The following RGS7 variants were observed in gnomAD, a reference collection of about 807,000 sequenced individuals.
RGS7 encodes regulator of G-protein signaling 7.
In RGS7, 27 loss-of-function variants were observed where a neutral mutation model predicts 81.1. The ratio of observed to expected loss-of-function variants is 0.33; its 90% CI spans 0.25 to 0.46. The LOEUF (loss-of-function observed/expected upper bound fraction) is 0.46, where lower values mean the gene tolerates loss of function less well. Ranked by LOEUF, RGS7 falls within the 20% of genes least tolerant of loss-of-function variation. The pLI is 1.00. For synonymous variants in RGS7, 208 were observed against 207.7 expected, an observed-to-expected ratio of 1.00 and a Z score of -0.01; for missense variants, 396 against 607.4, an observed-to-expected ratio of 0.65 and a Z score of 3.66.
chr1:241,331,803 A>C (rs1447327402), intron 2 of RGS7, among the ~76,000 whole-genome samples: 1 of 152,172 alleles, frequency 6.6e-6, no homozygotes, highest in Non-Finnish European at 1.5e-5. Context: ...AGAGTTAGGG[A>C]GGCGTAAGGT....
At chr1:241,076,704 G>A (rs904613324) in intron 3 of RGS7, among the ~76,000 whole-genome samples, 5 of 152,092 alleles carry the variant, frequency 3.3e-5, no homozygotes, top group East Asian at 1.9e-4. Flanking sequence ...TATTTTGTCC[G>A]TGATCACCGG....
intron 18 of RGS7, among the ~76,000 whole-genome samples, chr1:240,783,645 T>A (rs1180531734): frequency 5.3e-5 from 8 of 150,028 alleles, no homozygotes; most frequent in South Asian, 2.1e-4. Flanking sequence ...AAATAAAAAA[T>A]AAAAAAAAAT....
At chr1:240,942,043 C>T (rs538610770) in intron 4 of RGS7, among the ~76,000 whole-genome samples, 1 of 151,934 alleles carries the variant, frequency 6.6e-6, no homozygotes, top group African/African-American at 2.4e-5. Context: ...AGCTGAGAAA[C>T]AAAAATCAAT....
At chr1:241,016,287 A>G (rs1312769558) in intron 3 of RGS7, among the ~76,000 whole-genome samples, 1 of 152,176 alleles carries the variant, frequency 6.6e-6, no homozygotes, top group East Asian at 1.9e-4. Flanking sequence ...TGGGAGGCCA[A>G]GGTGGTCTGA....
Position 241,312,854 on chromosome 1 carries a change from G to T in RGS7, c.78+42845C>A, listed in dbSNP as rs555526181. Among the ~76,000 whole-genome samples the T allele has an allele frequency of 9.0e-3, 1,368 of 152,262 alleles. 14 individuals are homozygous for T. The highest frequency in any genetic ancestry group is 0.013 in the Non-Finnish European group (859 of 68,020). ...AAAGCTAAGATAAGCCAAACAGTCA[G>T]CCAAGTTGCAAACGCAAAGGAAAAG... On this transcript the variant is annotated intron_variant, in intron 2 of 18. Coordinates refer to ENST00000440928, the MANE Select transcript of RGS7 (RefSeq NM_001364886.1).
chr1:241,249,115 T>C (rs1021641189), intron 2 of RGS7, among the ~76,000 whole-genome samples: 7 of 152,184 alleles, frequency 4.6e-5, no homozygotes, highest in Non-Finnish European at 1.5e-5. Flanking sequence ...AAGTTTCTAA[T>C]TTTCGTGAGG....
chr1:241,167,292 G>A (rs947358530), intron 2 of RGS7, among the ~76,000 whole-genome samples: 1 of 152,182 alleles, frequency 6.6e-6, no homozygotes, highest in African/African-American at 2.4e-5. Context: ...GACTGAAGCA[G>A]ATTGTTGGAT....
chr1:240,816,494 A>G (rs1690824784), intron 10 of RGS7, 79 bp from the exon 11 acceptor site: 2 of 930,362 alleles, frequency 2.1e-6, no homozygotes, highest in Non-Finnish European at 3.5e-6. Flanking sequence ...TAACTCTAGC[A>G]TAAATTCAGT....
chr1:241,211,328 G>C (rs2074230071), intron 2 of RGS7, among the ~76,000 whole-genome samples: 1 of 152,104 alleles, frequency 6.6e-6, no homozygotes, highest in Non-Finnish European at 1.5e-5. Flanking sequence ...GGCAGGCATA[G>C]CACAATATTA....
In RGS7 at chr1:241,163,514, G is replaced by C. The variant is rs1237024906; in HGVS notation, c.79-64752C>G. On this transcript the variant is annotated intron_variant, in intron 2 of 18. Coordinates refer to ENST00000440928, the MANE Select transcript of RGS7 (RefSeq NM_001364886.1). This position sits in a 1 kb window ranked among gnomAD's most constrained non-coding sequence, Gnocchi z 4.6. ...CCTGTCCTCTTCCAGATCTAGGAAA[G>C]ATTAACCGACTGTCGACACCTTTGA... Among the ~76,000 whole-genome samples, 2 of 152,136 alleles carry C rather than the reference G, an allele frequency of 1.3e-5. No homozygotes were observed. Among genetic ancestry groups the C allele is most frequent in the African/African-American group, 4.8e-5 (2 of 41,430 alleles).
chr1:241,311,073 C>T (rs1208430074), intron 2 of RGS7, among the ~76,000 whole-genome samples: 2 of 152,134 alleles, frequency 1.3e-5, no homozygotes, highest in African/African-American at 4.8e-5. Context: ...AAATATCTTC[C>T]TCAAAGCAGT....
At chr1:240,855,733 A>C (rs1175094571) in intron 9 of RGS7, among the ~76,000 whole-genome samples, 1 of 152,094 alleles carries the variant, frequency 6.6e-6, no homozygotes, top group East Asian at 1.9e-4. Flanking sequence ...TGGACAAGTT[A>C]ATCTACTTGT....
chr1:240,889,818 A>G (rs1667988400), intron 6 of RGS7, among the ~76,000 whole-genome samples: 1 of 152,090 alleles, frequency 6.6e-6, no homozygotes. Context: ...CATCCCTGAG[A>G]TGACGGTGAT....
At chr1:240,837,820 A>G (rs1259923537) in intron 9 of RGS7, among the ~76,000 whole-genome samples, 1 of 152,254 alleles carries the variant, frequency 6.6e-6, no homozygotes, top group African/African-American at 2.4e-5. Context: ...AAGGCTAAAG[A>G]GAACCAAATA....
intron 18 of RGS7, among the ~76,000 whole-genome samples, chr1:240,783,918 G>A (rs377305983): frequency 2.0e-5 from 3 of 150,156 alleles, no homozygotes; most frequent in South Asian, 4.2e-4. Flanking sequence ...ATTCATGCCT[G>A]TAATCTCAGC....
In RGS7 at chr1:240,868,882, T is replaced by G; in HGVS notation, c.451-30A>C. On this transcript the variant is annotated intron_variant, in intron 7 of 18. Transcript: ENST00000440928. The surrounding 1 kb of genome is among the most constrained non-coding windows in gnomAD (Gnocchi z 5.1). ...AAAACATACCCCAGGTGAAGACATT[T>G]GGTGTTCATTGTCACTGCTCTCTTC... is the stretch of plus-strand genomic sequence containing the variant. The G allele has an allele frequency of 6.3e-7, 1 of 1,592,232 alleles. No individual in the cohort carries two copies. The highest frequency in any genetic ancestry group is 8.6e-7 in the Non-Finnish European group (1 of 1,160,182).
At chr1:241,341,652 G>A (rs1189160457) in intron 2 of RGS7, among the ~76,000 whole-genome samples, 1 of 151,942 alleles carries the variant, frequency 6.6e-6, no homozygotes, top group Non-Finnish European at 1.5e-5. Context: ...CAGTAACAAC[G>A]GCTAACACTG....
chr1:240,790,300 G>C (rs1011558817), intron 18 of RGS7, among the ~76,000 whole-genome samples: 1 of 152,036 alleles, frequency 6.6e-6, no homozygotes, highest in Admixed American at 6.6e-5. Flanking sequence ...AAATGAAGTA[G>C]AGTTTTCTTT....
At chr1:240,932,677 T>G (rs371468360) in intron 5 of RGS7, among the ~76,000 whole-genome samples, 12 of 148,908 alleles carry the variant, frequency 8.1e-5, no homozygotes, top group African/African-American at 2.7e-4. Context: ...CCCAGCTGAG[T>G]TTTTGTATTT....
Sources: gnomAD v4.1 joint callset for allele counts (sites outside exome capture counted in the v4.1 genomes callset) on GRCh38, gnomAD v4.1.1 for gene constraint, Gnocchi (gnomAD v3.1) non-coding constraint, MANE v1.5 for transcripts, NCBI Gene and HGNC (gene_info 2026-07-23, HGNC 2026-07-21) for gene names.